ZNF106: variants seen among roughly 807,000 people sequenced by gnomAD.
ZNF106 encodes the protein zinc finger protein 106, also known as SH3-domain binding protein 3.
A neutral mutation model predicts 195.1 loss-of-function variants in ZNF106; 67 were observed. That is an observed-to-expected ratio of 0.34 (90% CI 0.28 to 0.42). The LOEUF (loss-of-function observed/expected upper bound fraction) is 0.42, where lower values mean the gene tolerates loss of function less well. ZNF106 is among the 10% of genes least tolerant of loss of function. The probability of loss-of-function intolerance (pLI) is 1.00; values close to 1 mark genes in which losing one functional copy is unlikely to be tolerated. For missense variants in ZNF106, 2,118 were observed against 2,304.5 expected (o/e 0.92, Z 1.66); for synonymous variants, 784 against 818.6 (o/e 0.96, Z 0.72).
At chr15:42,457,622 G>A (rs1042535964) in intron 3 of ZNF106, 6 of 805,414 alleles carry the variant, frequency 7.4e-6, no homozygotes, top group East Asian at 2.3e-4. Flanking sequence ...AGTAGGTGGC[G>A]CAGCCAATCC....
rs1311719091 is a variant in ZNF106, at chr15:42,446,756, T to C, written c.3136-98A>G. On this transcript the variant is annotated intron_variant, in intron 6 of 21. Transcript: ENST00000564754. Reference sequence around the variant, plus strand: ...ATTCTAAGATAGCCATACACTGTTCTTCACTATTGCTACCATCTCTAACAT... The same window carrying C: ...ATTCTAAGATAGCCATACACTGTTCCTCACTATTGCTACCATCTCTAACAT... 4 of 1,029,074 alleles carry C rather than the reference T, an allele frequency of 3.9e-6. No homozygotes were observed. In the African/African-American group the frequency reaches 6.6e-5, roughly 17 times the overall value. The allele number at this position is 1,029,074 out of a possible 1,614,324, so 63.7% of individuals were successfully genotyped here.
At chr15:42,479,755 T>C (rs2056861637) in intron 1 of ZNF106, among the ~76,000 whole-genome samples, 1 of 152,084 alleles carries the variant, frequency 6.6e-6, no homozygotes, top group African/African-American at 2.4e-5. Flanking sequence ...GGCAGGAGAA[T>C]CGCTTGAACC....
chr15:42,415,191 G>T lies in ZNF106; in HGVS notation c.*2113C>A. On this transcript the variant is annotated 3_prime_UTR_variant, in exon 22 of 22. Transcript: ENST00000564754. ...GGCTGGAGTGCAGTAGTATGATCTT[G>T]GCTCACTGCAACTTCTACCTCCAGG... 2.4e-5 allele frequency: 5 copies of T among 207,206 alleles called. No homozygotes were observed. Among genetic ancestry groups the T allele is most frequent in the Non-Finnish European group, 3.9e-5 (4 of 101,558 alleles). The allele number at this position is 207,206 out of a possible 1,614,324, so 12.8% of individuals were successfully genotyped here.
rs1196070706 is a variant in ZNF106, at chr15:42,451,665, T to A, written c.607A>T (p.Asn203Tyr). 6.2e-7 allele frequency: 1 copy of A among 1,614,226 alleles called. No individual in the cohort carries two copies. Among genetic ancestry groups the A allele is most frequent in the Non-Finnish European group, 8.5e-7 (1 of 1,180,046 alleles). ...TTTGAAAGCCAACCACCTCCAGAATTACTATGGTTGTGAAACCAAGTCGAG... is the reference window on the plus strand; with the variant it reads ...TTTGAAAGCCAACCACCTCCAGAATAACTATGGTTGTGAAACCAAGTCGAG... ...GSSTWFHNHSNSGGGWLSNSG... is the reference protein window; with the variant it reads ...GSSTWFHNHSYSGGGWLSNSG... The change falls in exon 5 of 22, where the codon AAT becomes TAT. Residue 203 changes from asparagine (N) to tyrosine (Y), a missense_variant. Coordinates refer to ENST00000564754, the MANE Select transcript of ZNF106 (RefSeq NM_001366845.3).
chr15:42,464,622 G>A (rs1230637186), intron 3 of ZNF106, among the ~76,000 whole-genome samples: 1 of 147,984 alleles, frequency 6.8e-6, no homozygotes, highest in Non-Finnish European at 1.5e-5. Context: ...CCACCTCCCA[G>A]GCTCAAGCAT....
intron 3 of ZNF106, among the ~76,000 whole-genome samples, chr15:42,463,749 G>A (rs1226444157): frequency 6.6e-6 from 1 of 152,134 alleles, no homozygotes; most frequent in Non-Finnish European, 1.5e-5. Context: ...GCAGTCAGCT[G>A]TGATCGTGCC....
In ZNF106 at chr15:42,418,675, C is replaced by T. The variant is rs528896763; in HGVS notation, c.5518-724G>A. On this transcript the variant is annotated intron_variant, in intron 20 of 21. Coordinates refer to ENST00000564754, the MANE Select transcript of ZNF106 (RefSeq NM_001366845.3). ...ATTACAGGCGTGAGCCACCGCACCC[C>T]GCCCGAAAGGGCTATTTTTAACAAT... is the stretch of plus-strand genomic sequence containing the variant. Among the ~76,000 whole-genome samples, 13 of 151,478 alleles carry T rather than the reference C, an allele frequency of 8.6e-5. No individual in the cohort carries two copies. The South Asian group carries it at 1.9e-3, about 22-fold the overall frequency.
At chr15:42,420,285 T>C (rs903959766) in intron 20 of ZNF106, among the ~76,000 whole-genome samples, 10 of 152,326 alleles carry the variant, frequency 6.6e-5, no homozygotes, top group Non-Finnish European at 1.2e-4. Flanking sequence ...ATGTGAACTG[T>C]CCCTCTGTCC....
At chr15:42,458,409 G>GAA (rs773941390) in intron 3 of ZNF106, among the ~76,000 whole-genome samples, 6 of 110,292 alleles carry the variant, frequency 5.4e-5, no homozygotes, top group Admixed American at 9.5e-5. Context: ...TTCATTCAAG[G>GAA]AAAAAAAAAA....
rs1340135320 is a variant in ZNF106 at position 42,414,195 on chromosome 15, C to T, written c.*3109G>A. 6.6e-6 allele frequency: 1 copy of T among 152,164 alleles called. No homozygotes were observed. Among genetic ancestry groups the T allele is most frequent in the Non-Finnish European group, 1.5e-5 (1 of 68,026 alleles). 9.4% of individuals were successfully genotyped at this position (152,164 alleles called of 1,614,324 possible). Reference sequence around the variant, plus strand: ...GTCAACACAGATCCCTGAGCCATAGCTCTTCTCTGAGGGGAAACAGGGTTA... The same window carrying T: ...GTCAACACAGATCCCTGAGCCATAGTTCTTCTCTGAGGGGAAACAGGGTTA... On this transcript the variant is annotated 3_prime_UTR_variant, in exon 22 of 22. Coordinates refer to ENST00000564754, the MANE Select transcript of ZNF106 (RefSeq NM_001366845.3).
chr15:42,440,753 C>T (rs980806428), intron 10 of ZNF106, among the ~76,000 whole-genome samples: 2 of 151,350 alleles, frequency 1.3e-5, no homozygotes, highest in Non-Finnish European at 1.5e-5. Context: ...AAGGCTGAGG[C>T]GGTCGGATCA....
At chr15:42,468,868 A>G (rs1171635453) in intron 2 of ZNF106, among the ~76,000 whole-genome samples, 1 of 152,088 alleles carries the variant, frequency 6.6e-6, no homozygotes, top group Admixed American at 6.6e-5. Flanking sequence ...AGTTAGTGAC[A>G]GAATAGAATG....
Position 42,451,772 on chromosome 15 carries a change from T to C in ZNF106, c.500A>G (p.Lys167Arg). 6.2e-7 allele frequency: 1 copy of C among 1,614,202 alleles called. No homozygotes were observed. The highest frequency in any genetic ancestry group is 8.5e-7 in the Non-Finnish European group (1 of 1,180,028). ...WEKDGFNNTR[K>R]NSFPHSLRNG... Reference sequence around the variant, plus strand: ...CCTCAAAGAATGTGGAAAGCTGTTTTTCCTAGTATTATTAAAGCCATCTTT... The same window carrying C: ...CCTCAAAGAATGTGGAAAGCTGTTTCTCCTAGTATTATTAAAGCCATCTTT... The change falls in exon 5 of 22, where the codon AAA becomes AGA. Residue 167 changes from lysine to arginine, a missense_variant. By Grantham distance (26) the Lys-to-Arg change is conservative. Coordinates refer to ENST00000564754, the MANE Select transcript of ZNF106 (RefSeq NM_001366845.3).
intron 15 of ZNF106, among the ~76,000 whole-genome samples, chr15:42,426,367 T>C (rs1022628601): frequency 6.6e-6 from 1 of 151,642 alleles, no homozygotes; most frequent in African/African-American, 2.4e-5. Flanking sequence ...TGCCTCAAGA[T>C]TGTCTTGCTC....
Position 42,439,425 on chromosome 15 carries a change from T to C in ZNF106, c.4152A>G (p.Leu1384=), listed in dbSNP as rs375471947. ...KKKKLRKKKS[L]RAAHVPENSD... ...TATTCTCAGGAACATGGGCAGCCCG[T>C]AGACTTTTCTTCTTCCGGAGTTTCT... is the stretch of plus-strand genomic sequence containing the variant. Residue 1384 remains leucine (L), a synonymous_variant, in exon 11 of 22, where the codon CTA becomes CTG. Coordinates refer to ENST00000564754, the MANE Select transcript of ZNF106 (RefSeq NM_001366845.3). 2.5e-6 allele frequency: 4 copies of C among 1,614,062 alleles called. No individual in the cohort carries two copies. The highest frequency in any genetic ancestry group is 2.2e-5 in the South Asian group (2 of 91,052).
At chr15:42,484,908 C>T (rs1217778039) in intron 1 of ZNF106, among the ~76,000 whole-genome samples, 1 of 152,216 alleles carries the variant, frequency 6.6e-6, no homozygotes, top group African/African-American at 2.4e-5. Context: ...GCCTGTAATC[C>T]CAGCACCTGG....
chr15:42,479,296 C>A (rs2056850945), intron 1 of ZNF106, among the ~76,000 whole-genome samples: 1 of 152,014 alleles, frequency 6.6e-6, no homozygotes, highest in Non-Finnish European at 1.5e-5. Context: ...ATCGCTTGAA[C>A]CCAGGAGGCA....
chr15:42,442,502 T>C, intron 9 of ZNF106, 88 bp from the exon 10 acceptor site: 1 of 1,105,272 alleles, frequency 9.0e-7, no homozygotes, highest in South Asian at 1.6e-5. Flanking sequence ...TTTTAAACAT[T>C]AGAAAAGAAT....
In ZNF106 at chr15:42,439,174, TCTC is replaced by T; in HGVS notation, c.4400_4402del (p.Gly1467del). 1 of 1,614,118 alleles carries T rather than the reference TCTC, an allele frequency of 6.2e-7. No individual in the cohort carries two copies. The highest frequency in any genetic ancestry group is 1.7e-5 in the Admixed American group (1 of 60,000). On this transcript the variant is annotated inframe_deletion, in exon 11 of 22. Coordinates refer to ENST00000564754, the MANE Select transcript of ZNF106 (RefSeq NM_001366845.3). ...TTTAGATGGGCTGTCTGGTTTCTCT[TCTC>T]CTGATTCTGAAGAATCAATGGCTAC...
Sources: allele counts gnomAD v4.1 joint callset (sites outside exome capture counted in the v4.1 genomes callset), GRCh38; gene constraint gnomAD v4.1.1; transcripts MANE v1.5; gene names NCBI Gene and HGNC (gene_info 2026-07-23, HGNC 2026-07-21).